Variants in MBNL3 observed in about 807,000 individuals in gnomAD.
MBNL3 encodes muscleblind like splicing regulator 3, also known as muscleblind-like protein 3.
Under a neutral mutation model 24.5 loss-of-function variants are expected in MBNL3, and 6 were observed. The observed-to-expected ratio is 0.25, with a 90% CI of 0.13 to 0.48. MBNL3 has a LOEUF of 0.48. Among genes scored for constraint, MBNL3 ranks in the 20% least tolerant of loss-of-function variants. MBNL3 has a pLI of 0.99. For synonymous variants in MBNL3, 100 were observed against 101.7 expected, an observed-to-expected ratio of 0.98 and a Z score of 0.10; for missense variants, 230 against 293.5, an observed-to-expected ratio of 0.78 and a Z score of 1.58.
chrX:132,425,800 A>C (rs778191777), intron 2 of MBNL3, among the ~76,000 whole-genome samples: 1 of 111,989 alleles, frequency 8.9e-6, no homozygotes, highest in Non-Finnish European at 1.9e-5. Context: ...AATAACACTT[A>C]ACAATGGCCA....
intron 1 of MBNL3, among the ~76,000 whole-genome samples, chrX:132,455,201 C>A: frequency 9.0e-6 from 1 of 111,657 alleles, no homozygotes; most frequent in Middle Eastern, 4.6e-3. Flanking sequence ...GATTATAGAA[C>A]CCCCAAAGTA....
intron 2 of MBNL3, among the ~76,000 whole-genome samples, chrX:132,414,792 C>G (rs911494115): frequency 9.0e-6 from 1 of 110,861 alleles, no homozygotes; most frequent in Non-Finnish European, 1.9e-5. Flanking sequence ...TGGTGTTTTA[C>G]AGGTCAAGTT....
intron 1 of MBNL3, among the ~76,000 whole-genome samples, chrX:132,451,961 G>A (rs551748998): frequency 5.6e-4 from 62 of 111,499 alleles, no homozygotes; most frequent in African/African-American, 1.3e-3. Flanking sequence ...GTGAGACAAC[G>A]CCCCACCCTG....
intron 2 of MBNL3, chrX:132,429,866 A>G (rs998428388): frequency 1.8e-5 from 2 of 112,175 alleles, no homozygotes; most frequent in African/African-American, 6.5e-5. Flanking sequence ...AGCTCTTTTG[A>G]TAACTGCATA....
chrX:132,442,166 T>G (rs905993629), intron 1 of MBNL3, among the ~76,000 whole-genome samples: 5 of 111,522 alleles, frequency 4.5e-5, no homozygotes, highest in African/African-American at 1.6e-4. Flanking sequence ...TGTTTTGGAA[T>G]TAGATAGTGG....
intron 2 of MBNL3, chrX:132,413,435 T>C (rs1942997890): frequency 9.7e-7 from 1 of 1,033,224 alleles, no homozygotes. Flanking sequence ...CCTTGATAAG[T>C]TGAGCTCAAT....
chrX:132,396,500 C>A (rs373760935), intron 3 of MBNL3, among the ~76,000 whole-genome samples: 25 of 58,925 alleles, frequency 4.2e-4, no homozygotes, highest in East Asian at 9.7e-4. Context: ...ATATATATTC[C>A]TATATATATT....
At chrX:132,446,825 T>C (rs939456958) in intron 1 of MBNL3, among the ~76,000 whole-genome samples, 2 of 112,149 alleles carry the variant, frequency 1.8e-5, no homozygotes, top group Admixed American at 1.9e-4. Context: ...ATGAAGTCTT[T>C]GCCCATGCCT....
At position 132,382,242 on chromosome X, in the gene MBNL3, G is replaced by A; in HGVS notation, c.989C>T (p.Thr330Ile). The A allele has an allele frequency of 8.3e-7, 1 of 1,210,957 alleles. No homozygotes were observed. The highest frequency in any genetic ancestry group is 1.7e-5 in the African/African-American group (1 of 57,826). The change falls in exon 8 of 9, where the codon ACT becomes ATT. Residue 330 changes from threonine (T) to isoleucine (I), a missense_variant. Physicochemically the swap from Thr to Ile is moderately conservative, Grantham distance 89. Coordinates refer to ENST00000370853, the MANE Select transcript of MBNL3 (RefSeq NM_001386889.1). ...GGCAGGTGTTGTTGCTGCAGACACA[G>A]TGGTAGGTGTAGCACCGTGCATCAT... Reference protein sequence around the residue: ...VPMMHGATPTTVSAATTPATS... With the variant: ...VPMMHGATPTIVSAATTPATS...
intron 1 of MBNL3, among the ~76,000 whole-genome samples, chrX:132,447,961 G>T (rs999244493): frequency 4.5e-5 from 5 of 112,239 alleles, no homozygotes; most frequent in African/African-American, 1.6e-4. Context: ...TTAGCATGAA[G>T]TGCTGTTGAA....
intron 1 of MBNL3, among the ~76,000 whole-genome samples, chrX:132,454,069 G>A (rs1230756180): frequency 1.8e-5 from 2 of 111,726 alleles, no homozygotes; most frequent in Non-Finnish European, 3.8e-5. Context: ...TCTAGCCTGG[G>A]CAACAGAGGG....
At chrX:132,436,420 T>C (rs915816879) in intron 2 of MBNL3, among the ~76,000 whole-genome samples, 2 of 112,131 alleles carry the variant, frequency 1.8e-5, no homozygotes, top group South Asian at 3.7e-4. Context: ...TTGTATCTGT[T>C]GTACCTGTTA....
intron 3 of MBNL3, among the ~76,000 whole-genome samples, chrX:132,403,132 C>T (rs937535877): frequency 9.0e-6 from 1 of 111,422 alleles, no homozygotes; most frequent in Non-Finnish European, 1.9e-5. Flanking sequence ...TAAGTAAAAT[C>T]ATATATTACT....
chrX:132,429,574 T>G (rs926216355), intron 2 of MBNL3, among the ~76,000 whole-genome samples: 4 of 112,155 alleles, frequency 3.6e-5, no homozygotes, highest in Non-Finnish European at 7.5e-5. Context: ...TGAAGGTTAA[T>G]AAAGTCTTAA....
chrX:132,385,765 T>A (rs1254076950), intron 6 of MBNL3, among the ~76,000 whole-genome samples: 3 of 111,134 alleles, frequency 2.7e-5, no homozygotes, highest in Non-Finnish European at 5.7e-5. Flanking sequence ...AACTGATTAA[T>A]TTACTAGTTA....
At chrX:132,427,551 G>A (rs1166609980) in intron 2 of MBNL3, among the ~76,000 whole-genome samples, 2 of 111,299 alleles carry the variant, frequency 1.8e-5, no homozygotes, top group African/African-American at 6.5e-5. Context: ...TTGTTACTTC[G>A]GTTTTACTAT....
At chrX:132,392,621 A>C (rs1937368438) in intron 3 of MBNL3, among the ~76,000 whole-genome samples, 1 of 112,414 alleles carries the variant, frequency 8.9e-6, no homozygotes, top group South Asian at 3.7e-4. Context: ...TCTGTTCCAA[A>C]TGTGTTTCCT....
At chrX:132,415,688 C>G (rs1417291663) in intron 2 of MBNL3, among the ~76,000 whole-genome samples, 1 of 111,335 alleles carries the variant, frequency 9.0e-6, no homozygotes, top group Non-Finnish European at 1.9e-5. Flanking sequence ...ATGTTTCAAT[C>G]CCCCAATGAG....
chrX:132,446,888 T>A (rs1327632708), intron 1 of MBNL3, among the ~76,000 whole-genome samples: 1 of 111,223 alleles, frequency 9.0e-6, no homozygotes, highest in African/African-American at 3.3e-5. Context: ...ATAGGTCTTA[T>A]GTTTAAGTCT....
Sources: allele counts gnomAD v4.1 joint callset (sites outside exome capture counted in the v4.1 genomes callset), GRCh38; gene constraint gnomAD v4.1.1; transcripts MANE v1.5; gene names NCBI Gene and HGNC (gene_info 2026-07-23, HGNC 2026-07-21).